The following ABL2 variants were observed in gnomAD, a reference collection of about 807,000 sequenced individuals.
ABL2 encodes the protein tyrosine-protein kinase ABL2.
Under a neutral mutation model 107.7 loss-of-function variants are expected in ABL2, and 49 were observed. The observed-to-expected ratio is 0.45, with a 90% CI of 0.36 to 0.58. The LOEUF (loss-of-function observed/expected upper bound fraction) is 0.58, where lower values mean the gene tolerates loss of function less well. ABL2 is among the 20% of genes least tolerant of loss of function. The probability of loss-of-function intolerance (pLI) is 0.00; values close to 1 mark genes in which losing one functional copy is unlikely to be tolerated. For missense variants in ABL2, 1,245 were observed against 1,457.0 expected (o/e 0.85, Z 2.37); for synonymous variants, 549 against 548.6 (o/e 1.00, Z -0.01).
At chr1:179,205,400 C>T (rs540323832) in intron 1 of ABL2, among the ~76,000 whole-genome samples, 5 of 152,308 alleles carry the variant, frequency 3.3e-5, no homozygotes, top group African/African-American at 1.2e-4. Flanking sequence ...CCATGCCCCC[C>T]GGCATTACAT....
rs1358590189 is a variant in ABL2, at chr1:179,107,585, G to A, written c.*133C>T. ...ATGAAACTGTAAACGTGAGAACTCAGGGATCTGAGGTACTTCACATAAACA... is the reference window on the plus strand; with the variant it reads ...ATGAAACTGTAAACGTGAGAACTCAAGGATCTGAGGTACTTCACATAAACA... On this transcript the variant is annotated 3_prime_UTR_variant, in exon 12 of 12. Coordinates refer to ENST00000502732, the MANE Select transcript of ABL2 (RefSeq NM_007314.4). 3.4e-6 allele frequency: 5 copies of A among 1,466,806 alleles called. No individual in the cohort carries two copies. Among genetic ancestry groups the A allele is most frequent in the Non-Finnish European group, 4.5e-6 (5 of 1,108,544 alleles). The allele number at this position is 1,466,806 out of a possible 1,614,324, so 90.9% of individuals were successfully genotyped here.
At chr1:179,218,133 C>A (rs1571339718) in intron 1 of ABL2, among the ~76,000 whole-genome samples, 1 of 152,306 alleles carries the variant, frequency 6.6e-6, no homozygotes, top group East Asian at 1.9e-4. Context: ...GTAGCCCAAT[C>A]TGCTCAAGAA....
Position 179,126,729 on chromosome 1 carries a change from G to GA in ABL2, c.392-58dup, listed in dbSNP as rs1655754912. On this transcript the variant is annotated intron_variant, in intron 3 of 11. Transcript: ENST00000502732. The surrounding 1 kb of genome is among the most constrained non-coding windows in gnomAD (Gnocchi z 4.4). ...ACGATGTTAAGACTTTATTTCAACT[G>GA]AAGCAGTGTACTGTCAAACTTTAAA... 3 of 1,467,912 alleles carry GA rather than the reference G, an allele frequency of 2.0e-6. No homozygotes were observed. The highest frequency in any genetic ancestry group is 1.4e-5 in the African/African-American group (1 of 71,380). The allele number at this position is 1,467,912 out of a possible 1,614,324, so 90.9% of individuals were successfully genotyped here. A position where few individuals can be genotyped will look rare whatever the true frequency, so the allele number is the denominator to read the frequency against.
intron 1 of ABL2, among the ~76,000 whole-genome samples, chr1:179,182,355 T>A (rs773164441): frequency 1.3e-5 from 2 of 152,210 alleles, no homozygotes; most frequent in African/African-American, 4.8e-5. Flanking sequence ...AATGAGCCCT[T>A]AACACTGCCT....
At position 179,167,719 on chromosome 1, in the gene ABL2, T is replaced by A. The variant is rs915621421; in HGVS notation, c.158-34345A>T. ...AATATGTAGCAATTAAACATTTTTTTAAAAACAGAAATACAGGCTGGGCAC... is the reference window on the plus strand; with the variant it reads ...AATATGTAGCAATTAAACATTTTTTAAAAAACAGAAATACAGGCTGGGCAC... On this transcript the variant is annotated intron_variant, in intron 1 of 11. Coordinates refer to ENST00000502732, the MANE Select transcript of ABL2 (RefSeq NM_007314.4). Among the ~76,000 whole-genome samples the A allele has an allele frequency of 4.6e-5, 7 of 152,270 alleles. No homozygotes were observed. The East Asian group carries it at 5.8e-4, about 13-fold the overall frequency.
chr1:179,229,210 C>A, intron 1 of ABL2, 31 bp downstream of exon 1: 7 of 1,488,976 alleles, frequency 4.7e-6, no homozygotes, highest in East Asian at 2.8e-5. Flanking sequence ...GCCTCCCCCA[C>A]GCTCTCATGC....
intron 1 of ABL2, among the ~76,000 whole-genome samples, chr1:179,155,296 C>T (rs1016148942): frequency 2.6e-5 from 4 of 152,180 alleles, no homozygotes; most frequent in African/African-American, 9.7e-5. Context: ...ACAGACTAAT[C>T]GGAACGATAT....
intron 1 of ABL2, among the ~76,000 whole-genome samples, chr1:179,136,614 T>C (rs1657017672): frequency 6.7e-6 from 1 of 148,570 alleles, no homozygotes; most frequent in South Asian, 2.1e-4. Flanking sequence ...CCAGAGACCT[T>C]TGTTCACTTG....
At chr1:179,178,294 A>G (rs545073858) in intron 1 of ABL2, among the ~76,000 whole-genome samples, 1 of 150,362 alleles carries the variant, frequency 6.7e-6, no homozygotes, top group Admixed American at 6.7e-5. Flanking sequence ...GCTACTTGAG[A>G]GGCTAAGGTA....
intron 1 of ABL2, among the ~76,000 whole-genome samples, chr1:179,206,677 T>C (rs759546795): frequency 1.3e-5 from 2 of 152,164 alleles, no homozygotes; most frequent in Non-Finnish European, 2.9e-5. Flanking sequence ...GTGATTTGGA[T>C]TGCCAAAATT....
At chr1:179,185,703 A>G (rs1274200225) in intron 1 of ABL2, among the ~76,000 whole-genome samples, 4 of 152,156 alleles carry the variant, frequency 2.6e-5, no homozygotes, top group Non-Finnish European at 4.4e-5. Context: ...ATTGTTTTTG[A>G]CTAAAAAGAG....
At chr1:179,127,366 G>C (rs1212855414) in intron 3 of ABL2, among the ~76,000 whole-genome samples, 1 of 152,116 alleles carries the variant, frequency 6.6e-6, no homozygotes, top group East Asian at 1.9e-4. Flanking sequence ...CACAAAGAAT[G>C]AATCACTCCT....
At chr1:179,118,108 G>A (rs757813401) in intron 7 of ABL2, among the ~76,000 whole-genome samples, 16 of 151,132 alleles carry the variant, frequency 1.1e-4, no homozygotes, top group East Asian at 3.9e-4. Flanking sequence ...AGCTAAGATC[G>A]CATCACTGCA....
intron 11 of ABL2, 138 bp from the exon 12 acceptor site, chr1:179,109,579 A>C (rs1653839028): frequency 2.3e-6 from 3 of 1,314,296 alleles, no homozygotes; most frequent in Non-Finnish European, 3.0e-6. Context: ...CAAATAATAA[A>C]TACATTATCA....
At chr1:179,217,135 A>C (rs1662607191) in intron 1 of ABL2, among the ~76,000 whole-genome samples, 1 of 151,010 alleles carries the variant, frequency 6.6e-6, no homozygotes, top group African/African-American at 2.4e-5. Flanking sequence ...CTCTACTAAA[A>C]ATACAAAAAT....
At chr1:179,165,337 C>T (rs1659316723) in intron 1 of ABL2, among the ~76,000 whole-genome samples, 1 of 152,050 alleles carries the variant, frequency 6.6e-6, no homozygotes, top group Non-Finnish European at 1.5e-5. Flanking sequence ...ATTTTTATAT[C>T]AACCATTTGA....
At chr1:179,227,742 C>A (rs75971106) in intron 1 of ABL2, among the ~76,000 whole-genome samples, 1 of 152,120 alleles carries the variant, frequency 6.6e-6, no homozygotes, top group East Asian at 1.9e-4. Flanking sequence ...GAAAGAGACA[C>A]TCAAGCACAT....
At chr1:179,216,480 T>C (rs1365313203) in intron 1 of ABL2, among the ~76,000 whole-genome samples, 1 of 152,214 alleles carries the variant, frequency 6.6e-6, no homozygotes, top group Non-Finnish European at 1.5e-5. Flanking sequence ...TCAACATCTA[T>C]TTGATCAGCA....
intron 10 of ABL2, chr1:179,110,893 C>T: frequency 6.2e-7 from 1 of 1,611,730 alleles, no homozygotes. Context: ...TAGGCCCTGC[C>T]AACCTGTCCC....
Sources: allele counts gnomAD v4.1 joint callset (sites outside exome capture counted in the v4.1 genomes callset), GRCh38; gene constraint gnomAD v4.1.1; non-coding constraint Gnocchi (gnomAD v3.1); transcripts MANE v1.5; gene names NCBI Gene and HGNC (gene_info 2026-07-23, HGNC 2026-07-21).